FER1L5: variants seen among roughly 807,000 people sequenced by gnomAD.
FER1L5 encodes fer-1 like family member 5, also known as fer-1-like protein 5.
In FER1L5, 187 loss-of-function variants were observed where a neutral mutation model predicts 279.9. The ratio of observed to expected loss-of-function variants is 0.67; its 90% confidence interval spans 0.59 to 0.75. The LOEUF is 0.75. FER1L5 is among the 30% of genes least tolerant of loss of function. The probability of loss-of-function intolerance (pLI) is 0.00; values close to 1 mark genes in which losing one functional copy is unlikely to be tolerated. For synonymous variants in FER1L5, 921 were observed against 989.7 expected (o/e 0.93, Z 1.30); for missense variants, 2,091 against 2,594.4 (o/e 0.81, Z 4.21).
chr2:96,654,539 A>G (rs929229994), intron 9 of FER1L5, 43 bp downstream of exon 9: 3 of 398,722 alleles, frequency 7.5e-6, no homozygotes, highest in African/African-American at 6.2e-5. Context: ...AACAGTTATT[A>G]AAACAGAGAC....
chr2:96,687,346 G>T (rs941263069), intron 23 of FER1L5, among the ~76,000 whole-genome samples: 2 of 152,184 alleles, frequency 1.3e-5, no homozygotes, highest in Non-Finnish European at 2.9e-5. Flanking sequence ...TTCGCATCCC[G>T]CAAGAGCCCC....
chr2:96,685,542 A>G, intron 21 of FER1L5, 113 bp downstream of exon 21: 8 of 879,924 alleles, frequency 9.1e-6, no homozygotes, highest in Non-Finnish European at 1.4e-5. Context: ...GGGGAGGAGC[A>G]CTGCTCAGAC....
chr2:96,685,286 A>G (rs1285811235), intron 20 of FER1L5, 43 bp from the exon 21 acceptor site: 9 of 1,528,306 alleles, frequency 5.9e-6, no homozygotes, highest in Non-Finnish European at 8.0e-6. Context: ...GCTGGGCTCC[A>G]TGCTGAGGCG....
Position 96,690,574 on chromosome 2 carries a change from G to C in FER1L5, c.2728G>C (p.Ala910Pro), listed in dbSNP as rs971703716. Residue 910 changes from alanine (A) to proline (P), a missense_variant, in exon 27 of 53, where the codon GCA becomes CCA. Transcript: ENST00000624922. ...KKDWVVELNH[A>P]VDSKGWEYGV... ...GGACTGGGTGGTGGAGCTGAACCAC[G>C]CAGTGGACAGTAAGGGTCAGTCGTT... 6.4e-7 allele frequency: 1 copy of C among 1,551,466 alleles called. No homozygotes were observed. The highest frequency in any genetic ancestry group is 2.0e-5 in the Admixed American group (1 of 50,986).
rs2075732527 is a variant in FER1L5 at position 96,659,290 on chromosome 2, T to TGCCTTCC, written c.748-1051_748-1050insGCCTTCC. Among the ~76,000 whole-genome samples the TGCCTTCC allele has an allele frequency of 3.4e-3, 276 of 81,034 alleles. 17 individuals carry two copies. Among genetic ancestry groups the TGCCTTCC allele is most frequent in the African/African-American group, 8.5e-3 (174 of 20,370 alleles). The allele number at this position is 81,034 out of a possible 152,430, so 53.2% of individuals were successfully genotyped here. ...TTTGATGAAGTCCAATTTATCAAGCTTTCCTTCCTTCCTTCCTTCCTTCCT... is the reference window on the plus strand; with the variant it reads ...TTTGATGAAGTCCAATTTATCAAGCTGCCTTCCTTCCTTCCTTCCTTCCTTCCTTCCT... On this transcript the variant is annotated intron_variant, in intron 9 of 52. Transcript: ENST00000624922.
chr2:96,647,689 A>C, intron 3 of FER1L5, 89 bp from the exon 4 acceptor site: 5 of 943,804 alleles, frequency 5.3e-6, no homozygotes, highest in Non-Finnish European at 8.3e-6. Context: ...CCTGGGAGGA[A>C]ACCGTCTCTA....
chr2:96,662,895 C>A, intron 13 of FER1L5, among the ~76,000 whole-genome samples: 1 of 152,102 alleles, frequency 6.6e-6, no homozygotes, highest in Non-Finnish European at 1.5e-5. Flanking sequence ...TTGGGTACCC[C>A]CAAAGCTAGG....
rs931567685 is a variant in FER1L5 at position 96,686,095 on chromosome 2, G to A, written c.2051G>A (p.Arg684His). The A allele has an allele frequency of 1.1e-5, 17 of 1,551,074 alleles. No homozygotes were observed. The highest frequency in any genetic ancestry group is 1.7e-4 in the Middle Eastern group (1 of 6,008). Residue 684 changes from arginine (R) to histidine (H), a missense_variant, in exon 22 of 53, where the codon CGC becomes CAC. By Grantham distance (29) the Arg-to-His change is conservative. Transcript: ENST00000624922. ...GCCACAGCGGAGGACTGGCTGTACC[G>A]CCTCAACACCGTGCTCCCTGAGGTG... ...MVATAEDWLY[R>H]LNTVLPEPQM...
chr2:96,700,209 G>T, intron 44 of FER1L5, 123 bp from the exon 45 acceptor site: 1 of 1,553,316 alleles, frequency 6.4e-7, no homozygotes, highest in Non-Finnish European at 8.7e-7. Flanking sequence ...TGGAGCCAAA[G>T]AGCAGCCCAT....
intron 18 of FER1L5, among the ~76,000 whole-genome samples, chr2:96,670,733 C>T (rs941869303): frequency 2.6e-5 from 4 of 151,386 alleles, no homozygotes; most frequent in Non-Finnish European, 4.4e-5. Flanking sequence ...TTGCAGTGGG[C>T]AGAGATTGTG....
chr2:96,703,193 T>C lies in FER1L5; in HGVS notation c.5538T>C (p.Ala1846=). ...ELDLSDMPLP[A]RHAKQCSIRM... Reference sequence around the variant, plus strand: ...ATTTGTCTGACATGCCCCTCCCGGCTCGGCACGCCAAGCAGTGCTCCATCA... The same window carrying C: ...ATTTGTCTGACATGCCCCTCCCGGCCCGGCACGCCAAGCAGTGCTCCATCA... Residue 1846 remains alanine (A), a synonymous_variant, in exon 50 of 53, where the codon GCT becomes GCC. Transcript: ENST00000624922. 1 of 1,613,512 alleles carries C rather than the reference T, an allele frequency of 6.2e-7. No individual in the cohort carries two copies. Among genetic ancestry groups the C allele is most frequent in the East Asian group, 2.2e-5 (1 of 44,872 alleles).
At chr2:96,659,396 T>TCTTTCTTTCTTTCTTTCTTTCTTTC (rs2075804553) in intron 9 of FER1L5, among the ~76,000 whole-genome samples, 1 of 7,236 alleles carries the variant, frequency 1.4e-4, no homozygotes, top group Non-Finnish European at 2.1e-4. Context: ...TTTCTTTCTT[T>TCTTTCTTTCTTTCTTTCTTTCTTTC]CTTTCTTTCT....
At position 96,648,367 on chromosome 2, in the gene FER1L5, G is replaced by C. The variant is rs567269736; in HGVS notation, c.339+481G>C. Among the ~76,000 whole-genome samples, 170 of 152,318 alleles carry C rather than the reference G, an allele frequency of 1.1e-3. No individual in the cohort carries two copies. The Middle Eastern group carries it at 0.014, about 12-fold the overall frequency. On this transcript the variant is annotated intron_variant, in intron 4 of 52. Transcript: ENST00000624922. ...CAGAGCTTGTGCTAGCAAGGGACTC[G>C]GTCATCGTCATTTGTGTTTTGGCAG...
chr2:96,695,486 G>A (rs2077337236), intron 34 of FER1L5, 23 bp from the exon 35 acceptor site: 1 of 1,563,214 alleles, frequency 6.4e-7, no homozygotes, highest in Non-Finnish European at 8.6e-7. Context: ...CCCTTGTCCT[G>A]CCCTCCTTCT....
chr2:96,686,455 C>T, intron 23 of FER1L5, 105 bp downstream of exon 23: 1 of 1,303,068 alleles, frequency 7.7e-7, no homozygotes, highest in Non-Finnish European at 1.0e-6. Context: ...TTCCTGGTCC[C>T]TTAACCACAT....
chr2:96,654,688 A>C (rs1019596454), intron 9 of FER1L5, 192 bp downstream of exon 9: 2 of 329,444 alleles, frequency 6.1e-6, no homozygotes, highest in African/African-American at 4.3e-5. Context: ...TCACGAGGTC[A>C]GGAGATCGAG....
rs1194819634 is a variant in FER1L5, at chr2:96,685,443, C to T, written c.1895+14C>T. 5.2e-6 allele frequency: 8 copies of T among 1,544,484 alleles called. No homozygotes were observed. Among genetic ancestry groups the T allele is most frequent in the Non-Finnish European group, 7.0e-6 (8 of 1,142,474 alleles). ...AGAGGACTGCAAGTAGGAGTAGGGG[C>T]ACTCCGGGATACAGCTGGCCTGGAG... On this transcript the variant is annotated intron_variant, in intron 21 of 52. Coordinates refer to ENST00000624922, the MANE Select transcript of FER1L5 (RefSeq NM_001293083.2).
At chr2:96,663,401 G>A (rs1287644209) in intron 13 of FER1L5, 38 bp from the exon 14 acceptor site, 2 of 1,545,238 alleles carry the variant, frequency 1.3e-6, no homozygotes, top group East Asian at 2.4e-5. Flanking sequence ...AGGGAGGAGG[G>A]GGCAGGCTGG....
rs983890643 is a variant in FER1L5 at position 96,668,670 on chromosome 2, T to C, written c.1141-81T>C. 11 of 1,504,990 alleles carry C rather than the reference T, an allele frequency of 7.3e-6. No homozygotes were observed. The African/African-American group carries it at 1.2e-4, about 17-fold the overall frequency. 93.2% of individuals were successfully genotyped at this position (1,504,990 alleles called of 1,614,324 possible). ...CAGGACTTGCTCCCAGACCCGCGAC[T>C]CCCTACCTGTTCTTAAAATCTCCAC... On this transcript the variant is annotated intron_variant, in intron 14 of 52. Transcript: ENST00000624922.
Sources: allele counts gnomAD v4.1 joint callset (sites outside exome capture counted in the v4.1 genomes callset), GRCh38; gene constraint gnomAD v4.1.1; transcripts MANE v1.5; gene names NCBI Gene and HGNC (gene_info 2026-07-23, HGNC 2026-07-21).